The following SH3RF1 variants were observed in gnomAD, a reference collection of about 807,000 sequenced individuals.
SH3RF1 encodes the protein E3 ubiquitin-protein ligase SH3RF1.
A neutral mutation model predicts 74.0 loss-of-function variants in SH3RF1; 32 were observed. The observed-to-expected ratio is 0.43, with a 90% confidence interval of 0.33 to 0.58. The LOEUF (loss-of-function observed/expected upper bound fraction) is 0.58, where lower values mean the gene tolerates loss of function less well. SH3RF1 is among the 20% of genes least tolerant of loss of function. The probability of loss-of-function intolerance (pLI) is 0.05; values close to 1 mark genes in which losing one functional copy is unlikely to be tolerated. For synonymous variants in SH3RF1, 396 were observed against 439.6 expected, an observed-to-expected ratio of 0.90 and a Z score of 1.24; for missense variants, 954 against 1,130.9, an observed-to-expected ratio of 0.84 and a Z score of 2.24.
chr4:169,251,880 T>A (rs1023044699), intron 2 of SH3RF1, among the ~76,000 whole-genome samples: 1 of 152,242 alleles, frequency 6.6e-6, no homozygotes, highest in Non-Finnish European at 1.5e-5. Flanking sequence ...AACTGTGATA[T>A]CATTCTTCCT....
In SH3RF1 at chr4:169,096,414, C is replaced by T. The variant is rs1352427053; in HGVS notation, c.*105G>A. The T allele has an allele frequency of 1.6e-6, 2 of 1,230,324 alleles. No individual in the cohort carries two copies. 76.2% of individuals were successfully genotyped at this position (1,230,324 alleles called of 1,614,324 possible). On this transcript the variant is annotated 3_prime_UTR_variant, in exon 12 of 12. Transcript: ENST00000284637. ...CAGAGTCACATACCAATCCTTTGCT[C>T]ATCTCCTGACCATCTGGAAGTCCAC...
chr4:169,119,528 C>T (rs1294633868), intron 8 of SH3RF1, among the ~76,000 whole-genome samples: 1 of 151,624 alleles, frequency 6.6e-6, no homozygotes, highest in Non-Finnish European at 1.5e-5. Context: ...TTTTTTTGTT[C>T]TTTGTTGCAT....
intron 6 of SH3RF1, among the ~76,000 whole-genome samples, chr4:169,123,258 A>C (rs1035588932): frequency 1.3e-5 from 2 of 152,236 alleles, no homozygotes; most frequent in African/African-American, 2.4e-5. Flanking sequence ...TGGAATAAAA[A>C]TTTGAATTTC....
At chr4:169,154,925 T>C (rs954522178) in intron 4 of SH3RF1, among the ~76,000 whole-genome samples, 1 of 152,220 alleles carries the variant, frequency 6.6e-6, no homozygotes, top group African/African-American at 2.4e-5. Context: ...AAAAAGACTT[T>C]ACTATGTCAA....
At chr4:169,185,677 G>A (rs567963398) in intron 2 of SH3RF1, among the ~76,000 whole-genome samples, 2 of 152,182 alleles carry the variant, frequency 1.3e-5, no homozygotes, top group South Asian at 2.1e-4. Context: ...AGCCTGAGGA[G>A]GTTTTCAGAC....
At chr4:169,212,507 T>C (rs1205710693) in intron 2 of SH3RF1, among the ~76,000 whole-genome samples, 2 of 152,200 alleles carry the variant, frequency 1.3e-5, no homozygotes, top group Non-Finnish European at 2.9e-5. Flanking sequence ...TTTTTTCCCT[T>C]TTCATAATTT....
At chr4:169,237,980 G>A (rs1360541943) in intron 2 of SH3RF1, among the ~76,000 whole-genome samples, 1 of 151,926 alleles carries the variant, frequency 6.6e-6, no homozygotes, top group Non-Finnish European at 1.5e-5. Context: ...GTCCTATTAG[G>A]TCGGGTTAGC....
chr4:169,150,713 C>T (rs1472000292), intron 4 of SH3RF1, among the ~76,000 whole-genome samples: 2 of 152,078 alleles, frequency 1.3e-5, no homozygotes, highest in Non-Finnish European at 2.9e-5. Context: ...GACTGCAGTA[C>T]GCCATTTTAT....
chr4:169,265,692 G>A (rs1306773272), intron 2 of SH3RF1, among the ~76,000 whole-genome samples: 4 of 151,974 alleles, frequency 2.6e-5, no homozygotes, highest in Non-Finnish European at 4.4e-5. Flanking sequence ...ATGGTGGTCT[G>A]GAACTCTTGA....
intron 2 of SH3RF1, among the ~76,000 whole-genome samples, chr4:169,261,301 G>A (rs1438357964): frequency 2.0e-5 from 3 of 152,184 alleles, no homozygotes; most frequent in Non-Finnish European, 4.4e-5. Flanking sequence ...TTGTAAAGGA[G>A]CTTTATTTGT....
chr4:169,237,341 C>T (rs1047618536), intron 2 of SH3RF1, among the ~76,000 whole-genome samples: 13 of 152,202 alleles, frequency 8.5e-5, no homozygotes, highest in African/African-American at 3.1e-4. Context: ...ACCTGGGGGA[C>T]AATTAAAGCT....
intron 2 of SH3RF1, among the ~76,000 whole-genome samples, chr4:169,221,980 C>CA (rs1401642594): frequency 6.6e-6 from 1 of 151,818 alleles, no homozygotes; most frequent in Non-Finnish European, 1.5e-5. Flanking sequence ...TCATCCATCC[C>CA]AAAAAAACAC....
intron 2 of SH3RF1, among the ~76,000 whole-genome samples, chr4:169,233,269 A>C (rs985194820): frequency 7.9e-5 from 12 of 151,588 alleles, no homozygotes; most frequent in African/African-American, 1.9e-4. Flanking sequence ...AAAAAAAAAA[A>C]AAAACCGTGG....
intron 2 of SH3RF1, among the ~76,000 whole-genome samples, chr4:169,252,332 C>T (rs899987830): frequency 2.0e-5 from 3 of 152,236 alleles, no homozygotes; most frequent in Non-Finnish European, 4.4e-5. Context: ...AATATCTTGT[C>T]ACATATTTTT....
At chr4:169,262,765 G>C (rs1037818631) in intron 2 of SH3RF1, among the ~76,000 whole-genome samples, 5 of 152,108 alleles carry the variant, frequency 3.3e-5, no homozygotes, top group Admixed American at 2.6e-4. Flanking sequence ...ATATAAAAAA[G>C]AATCATTACT....
intron 2 of SH3RF1, among the ~76,000 whole-genome samples, chr4:169,255,482 A>G (rs1731171864): frequency 6.6e-6 from 1 of 152,128 alleles, no homozygotes; most frequent in Non-Finnish European, 1.5e-5. Flanking sequence ...TAACTACTTA[A>G]GCCACATAAT....
intron 5 of SH3RF1, among the ~76,000 whole-genome samples, chr4:169,133,327 T>G (rs1435457350): frequency 6.6e-6 from 1 of 152,080 alleles, no homozygotes; most frequent in Non-Finnish European, 1.5e-5. Flanking sequence ...CTACAAAAAT[T>G]AGACGGGTGT....
rs768290657 is a variant in SH3RF1, at chr4:169,117,514, C to T, written c.1777+9G>A. ...ATCCTGATATGTTCTGGCCTGGGTT[C>T]CTCCTTACCTGTCCTCACAGCATTG... On this transcript the variant is annotated intron_variant, in intron 9 of 11. Coordinates refer to ENST00000284637, the MANE Select transcript of SH3RF1 (RefSeq NM_020870.4). 9.3e-6 allele frequency: 15 copies of T among 1,613,102 alleles called. No homozygotes were observed. Among genetic ancestry groups the T allele is most frequent in the Non-Finnish European group, 1.3e-5 (15 of 1,179,056 alleles).
chr4:169,139,111 C>A (rs561644606), intron 4 of SH3RF1, among the ~76,000 whole-genome samples: 34 of 152,202 alleles, frequency 2.2e-4, no homozygotes, highest in Non-Finnish European at 4.6e-4. Context: ...AACACCACAC[C>A]CAGCTAATTT....
Sources: allele counts gnomAD v4.1 joint callset (sites outside exome capture counted in the v4.1 genomes callset), GRCh38; gene constraint gnomAD v4.1.1; transcripts MANE v1.5; gene names NCBI Gene and HGNC (gene_info 2026-07-23, HGNC 2026-07-21).